The following STT3B variants were observed in gnomAD, a reference collection of about 807,000 sequenced individuals.
STT3B encodes the protein STT3 oligosaccharyltransferase complex catalytic subunit B, also known as dolichyl-diphosphooligosaccharide--protein glycosyltransferase subunit STT3B.
A neutral mutation model predicts 96.8 loss-of-function variants in STT3B; 29 were observed. The ratio of observed to expected loss-of-function variants is 0.30; its 90% CI spans 0.22 to 0.41. The LOEUF (loss-of-function observed/expected upper bound fraction) is 0.41, where lower values mean the gene tolerates loss of function less well. STT3B is among the 10% of genes least tolerant of loss of function. The pLI, the probability that STT3B is intolerant of heterozygous loss-of-function variation, is 1.00. For missense variants in STT3B, 640 were observed against 1,022.3 expected (o/e 0.63, Z 5.10); for synonymous variants, 367 against 360.0 (o/e 1.02, Z -0.22).
intron 10 of STT3B, 31 bp downstream of exon 10, chr3:31,622,339 G>A: frequency 6.4e-7 from 1 of 1,553,384 alleles, no homozygotes; most frequent in Non-Finnish European, 8.9e-7. Flanking sequence ...CCTTTAAATT[G>A]TCTATGTCCT....
intron 1 of STT3B, among the ~76,000 whole-genome samples, chr3:31,557,495 C>T (rs1011621429): frequency 7.2e-5 from 11 of 152,214 alleles, no homozygotes; most frequent in African/African-American, 2.4e-4. Flanking sequence ...CTAATATTTC[C>T]GATCCATGGG....
chr3:31,544,942 G>A (rs1697365581), intron 1 of STT3B, among the ~76,000 whole-genome samples: 1 of 151,116 alleles, frequency 6.6e-6, no homozygotes, highest in East Asian at 1.9e-4. Context: ...GTCTCAGGGA[G>A]CGGGGGGGGA....
chr3:31,568,003 C>G (rs1178960389), intron 1 of STT3B, among the ~76,000 whole-genome samples: 1 of 151,898 alleles, frequency 6.6e-6, no homozygotes, highest in African/African-American at 2.4e-5. Flanking sequence ...TTGCCCCCCT[C>G]TCTACCACCC....
chr3:31,604,194 A>G (rs1575436562), intron 5 of STT3B, among the ~76,000 whole-genome samples: 1 of 152,174 alleles, frequency 6.6e-6, no homozygotes, highest in East Asian at 1.9e-4. Context: ...TATTTTTTAG[A>G]TGATATTTGC....
chr3:31,545,095 A>G (rs1364174583), intron 1 of STT3B, among the ~76,000 whole-genome samples: 1 of 152,232 alleles, frequency 6.6e-6, no homozygotes, highest in Non-Finnish European at 1.5e-5. Flanking sequence ...TGGCATTTGA[A>G]GGAACAGGAT....
intron 13 of STT3B, 52 bp downstream of exon 13, chr3:31,626,179 G>C: frequency 6.7e-7 from 1 of 1,483,624 alleles, no homozygotes; most frequent in Non-Finnish European, 9.3e-7. Flanking sequence ...CTGTGTCCTC[G>C]TAATTCTCTC....
chr3:31,636,187 C>G lies in STT3B; in HGVS notation c.*123C>G, dbSNP rs977810966. 12 of 677,164 alleles carry G rather than the reference C, an allele frequency of 1.8e-5. No individual in the cohort carries two copies. The highest frequency in any genetic ancestry group is 2.7e-5 in the Non-Finnish European group (12 of 436,712). 41.9% of individuals were successfully genotyped at this position (677,164 alleles called of 1,614,324 possible). On this transcript the variant is annotated 3_prime_UTR_variant, in exon 16 of 16. Transcript: ENST00000295770. ...ACCATCACTGGTCCAGGTTAATGTA[C>G]AAAATTTTCTGGCAATGCCTGATTA...
At chr3:31,584,102 T>C (rs1406945328) in intron 3 of STT3B, among the ~76,000 whole-genome samples, 1 of 152,210 alleles carries the variant, frequency 6.6e-6, no homozygotes, top group Admixed American at 6.5e-5. Context: ...TTGTATATGG[T>C]GTGAGAGAGG....
intron 13 of STT3B, among the ~76,000 whole-genome samples, chr3:31,627,905 A>G (rs1241583381): frequency 6.7e-6 from 1 of 150,032 alleles, no homozygotes; most frequent in Non-Finnish European, 1.5e-5. Context: ...TAATACACTC[A>G]TATGGTTCAA....
At chr3:31,596,775 T>C (rs1698802202) in intron 3 of STT3B, 23 bp from the exon 4 acceptor site, 3 of 1,562,466 alleles carry the variant, frequency 1.9e-6, no homozygotes, top group East Asian at 2.2e-5. Context: ...ATTTTTATTA[T>C]ATCAGTTGCT....
At chr3:31,545,641 C>T in intron 1 of STT3B, among the ~76,000 whole-genome samples, 1 of 33,676 alleles carries the variant, frequency 3.0e-5, no homozygotes, top group African/African-American at 4.6e-5. Flanking sequence ...TTAGTTTCCC[C>T]CTTAGCACTA....
chr3:31,593,359 T>C (rs560973724), intron 3 of STT3B, among the ~76,000 whole-genome samples: 1 of 152,242 alleles, frequency 6.6e-6, no homozygotes, highest in Admixed American at 6.5e-5. Flanking sequence ...TTTTTTTCTT[T>C]CTCTTTTCAA....
At chr3:31,588,588 A>AT (rs1426724439) in intron 3 of STT3B, among the ~76,000 whole-genome samples, 1 of 151,854 alleles carries the variant, frequency 6.6e-6, no homozygotes, top group Non-Finnish European at 1.5e-5. Flanking sequence ...CTACCACTAG[A>AT]TTTTTGCCTT....
At chr3:31,621,148 A>G (rs544636033) in intron 9 of STT3B, among the ~76,000 whole-genome samples, 18 of 152,386 alleles carry the variant, frequency 1.2e-4, no homozygotes, top group African/African-American at 3.8e-4. Context: ...GTAGTGGAAT[A>G]CAACACAACA....
At chr3:31,549,653 G>C (rs747665566) in intron 1 of STT3B, among the ~76,000 whole-genome samples, 5 of 151,974 alleles carry the variant, frequency 3.3e-5, no homozygotes. Context: ...TCTAATAATT[G>C]TTAGAAATCC....
At chr3:31,628,893 C>G (rs1699592800) in intron 13 of STT3B, among the ~76,000 whole-genome samples, 1 of 152,042 alleles carries the variant, frequency 6.6e-6, no homozygotes, top group Admixed American at 6.6e-5. Flanking sequence ...TCACTTCAGC[C>G]CAGTAGTTCA....
chr3:31,588,103 C>G (rs908234044), intron 3 of STT3B, among the ~76,000 whole-genome samples: 1 of 152,066 alleles, frequency 6.6e-6, no homozygotes, highest in African/African-American at 2.4e-5. Context: ...TTGCAGCTTT[C>G]CACATCCCAA....
intron 3 of STT3B, 130 bp from the exon 4 acceptor site, chr3:31,596,668 G>A: frequency 1.5e-6 from 1 of 663,614 alleles, no homozygotes; most frequent in African/African-American, 1.8e-5. Context: ...CTGCATATCT[G>A]AATAACCACA....
At chr3:31,578,172 A>G (rs1308459444) in intron 2 of STT3B, among the ~76,000 whole-genome samples, 1 of 152,130 alleles carries the variant, frequency 6.6e-6, no homozygotes, top group African/African-American at 2.4e-5. Flanking sequence ...GGATGAATAG[A>G]ATTTGTCTAG....
Sources: gnomAD v4.1 joint callset for allele counts (sites outside exome capture counted in the v4.1 genomes callset) on GRCh38, gnomAD v4.1.1 for gene constraint, MANE v1.5 for transcripts, NCBI Gene and HGNC (gene_info 2026-07-23, HGNC 2026-07-21) for gene names.